Variants in TENM2 observed in about 807,000 individuals in gnomAD.
The protein encoded by TENM2 is teneurin transmembrane protein 2.
TENM2 carries 52 observed loss-of-function variants against 245.2 expected under a neutral mutation model. The observed-to-expected ratio is 0.21, with a 90% CI of 0.17 to 0.27. The LOEUF is 0.27. Ranked by LOEUF, TENM2 falls within the 10% of genes least tolerant of loss-of-function variation. The pLI is 1.00. For missense variants in TENM2, 3,046 were observed against 3,666.8 expected (o/e 0.83, Z 4.37); for synonymous variants, 1,363 against 1,438.9 (o/e 0.95, Z 1.19).
intron 2 of TENM2, among the ~76,000 whole-genome samples, chr5:167,417,313 C>A (rs374223148): frequency 8.5e-5 from 13 of 152,292 alleles, no homozygotes; most frequent in African/African-American, 2.9e-4. Flanking sequence ...CCATCCCTGG[C>A]CCCTGCCATC....
chr5:167,027,298 AG>A, the TENM2 span, among the ~76,000 whole-genome samples: 1 of 152,204 alleles, frequency 6.6e-6, no homozygotes, highest in Non-Finnish European at 1.5e-5. Flanking sequence ...ATTAAGCTAA[AG>A]TTTCTCATTT....
intron 25 of TENM2, among the ~76,000 whole-genome samples, chr5:168,242,598 A>G (rs994855410): frequency 2.6e-5 from 4 of 152,222 alleles, no homozygotes; most frequent in Non-Finnish European, 4.4e-5. Context: ...AACTCAAACA[A>G]TGGATGCAAA....
intron 1 of TENM2, among the ~76,000 whole-genome samples, chr5:167,326,032 G>T (rs929070554): frequency 2.0e-5 from 3 of 152,144 alleles, no homozygotes; most frequent in Admixed American, 1.3e-4. Flanking sequence ...TTGAATTGGA[G>T]CATGAAGTGG....
intron 3 of TENM2, among the ~76,000 whole-genome samples, chr5:167,914,204 A>G (rs1423160568): frequency 2.0e-5 from 3 of 152,204 alleles, no homozygotes; most frequent in African/African-American, 4.8e-5. Context: ...GCAAATTACC[A>G]CAGTGATGTG....
intron 1 of TENM2, among the ~76,000 whole-genome samples, chr5:167,295,348 A>T (rs1284963197): frequency 6.6e-6 from 1 of 152,210 alleles, no homozygotes; most frequent in Non-Finnish European, 1.5e-5. Flanking sequence ...ATTATTGGTG[A>T]TGCAATATTA....
At chr5:168,087,813 T>A (rs541518239) in intron 7 of TENM2, among the ~76,000 whole-genome samples, 7 of 151,958 alleles carry the variant, frequency 4.6e-5, no homozygotes, top group Non-Finnish European at 8.8e-5. Context: ...AATAAGTGCT[T>A]TGAAGATAAT....
chr5:167,907,454 C>G (rs1776179283), intron 3 of TENM2, among the ~76,000 whole-genome samples: 1 of 144,328 alleles, frequency 6.9e-6, no homozygotes, highest in East Asian at 2.1e-4. Flanking sequence ...TAATAGTAGC[C>G]AGGAAAAATT....
At chr5:167,837,853 G>A (rs1182730462) in intron 2 of TENM2, among the ~76,000 whole-genome samples, 1 of 151,542 alleles carries the variant, frequency 6.6e-6, no homozygotes, top group African/African-American at 2.4e-5. Context: ...TGCAGTAGGT[G>A]CATCTTAGTG....
intron 3 of TENM2, among the ~76,000 whole-genome samples, chr5:167,880,274 C>T (rs1773772270): frequency 6.6e-6 from 1 of 151,932 alleles, no homozygotes; most frequent in Non-Finnish European, 1.5e-5. Context: ...CTCAAATGAC[C>T]CACCCGCCTC....
At chr5:166,989,252 C>CTTTTT in the TENM2 span, among the ~76,000 whole-genome samples, 6 of 56,960 alleles carry the variant, frequency 1.1e-4, 1 homozygote, top group African/African-American at 2.5e-4. Context: ...CCAAGCTAAT[C>CTTTTT]TTTTTTTTTT....
chr5:168,104,047 G>A (rs1418794304), intron 9 of TENM2, among the ~76,000 whole-genome samples: 1 of 147,250 alleles, frequency 6.8e-6, no homozygotes, highest in African/African-American at 2.5e-5. Flanking sequence ...TTTGTTTTTT[G>A]AGACAGAGAT....
intron 2 of TENM2, among the ~76,000 whole-genome samples, chr5:167,724,067 A>G (rs941870614): frequency 2.0e-5 from 3 of 152,184 alleles, no homozygotes; most frequent in Non-Finnish European, 4.4e-5. Flanking sequence ...TTTAACCAGG[A>G]CAATTGTTGC....
intron 2 of TENM2, chr5:167,754,796 A>G (rs1184858933): frequency 8.4e-6 from 3 of 357,052 alleles, no homozygotes; most frequent in African/African-American, 6.2e-5. Context: ...GAGACATTAC[A>G]TGGGCAGGAC....
At chr5:167,360,456 C>G (rs1244696360) in intron 1 of TENM2, among the ~76,000 whole-genome samples, 1 of 152,144 alleles carries the variant, frequency 6.6e-6, no homozygotes, top group Non-Finnish European at 1.5e-5. Context: ...TCTTCCGGCC[C>G]AGGGTCGCAT....
At chr5:167,828,619 G>A (rs991418104) in intron 2 of TENM2, among the ~76,000 whole-genome samples, 1 of 152,030 alleles carries the variant, frequency 6.6e-6, no homozygotes, top group Non-Finnish European at 1.5e-5. Context: ...AATAATAAAT[G>A]ATATTCTTAA....
intron 13 of TENM2, among the ~76,000 whole-genome samples, chr5:168,183,371 G>A (rs1293658564): frequency 6.8e-6 from 1 of 147,876 alleles, no homozygotes; most frequent in South Asian, 2.2e-4. Flanking sequence ...TATATAGCCA[G>A]GGGCCCAGCA....
At chr5:167,590,881 T>A (rs978354371) in intron 2 of TENM2, among the ~76,000 whole-genome samples, 13 of 152,240 alleles carry the variant, frequency 8.5e-5, no homozygotes, top group African/African-American at 3.1e-4. Context: ...TACAATGATG[T>A]AAGAAATTTC....
the TENM2 span, among the ~76,000 whole-genome samples, chr5:167,084,366 T>TATATATATATATATATATATATATACAC: frequency 1.7e-5 from 2 of 114,898 alleles, no homozygotes; most frequent in Admixed American, 1.0e-4. Context: ...TATATATATA[T>TATATATATATATATATATATATATACAC]ACAGATCAGA....
chr5:168,126,868 T>C (rs1391967045), exon 12 of TENM2: 2 of 1,609,286 alleles, frequency 1.2e-6, no homozygotes, highest in East Asian at 2.2e-5. Flanking sequence ...CCCCGCTGCA[T>C]TGAGCACGGG....
Sources: gnomAD v4.1 joint callset for allele counts (sites outside exome capture counted in the v4.1 genomes callset) on GRCh38, gnomAD v4.1.1 for gene constraint, MANE v1.5 for transcripts, NCBI Gene and HGNC (gene_info 2026-07-23, HGNC 2026-07-21) for gene names.